Variants in CDH12 observed in about 807,000 individuals in gnomAD.
The protein encoded by CDH12 is cadherin 12.
Under a neutral mutation model 74.1 loss-of-function variants are expected in CDH12, and 41 were observed. The observed-to-expected ratio is 0.55, with a 90% confidence interval of 0.43 to 0.72. The LOEUF is 0.72. Ranked by LOEUF, CDH12 falls within the 30% of genes least tolerant of loss-of-function variation. The pLI, the probability that CDH12 is intolerant of heterozygous loss-of-function variation, is 0.00. For missense variants in CDH12, 945 were observed against 977.2 expected (o/e 0.97, Z 0.44); for synonymous variants, 399 against 355.0 (o/e 1.12, Z -1.39).
chr5:22,027,123 T>A (rs914782121), intron 5 of CDH12, among the ~76,000 whole-genome samples: 5 of 152,158 alleles, frequency 3.3e-5, no homozygotes, highest in African/African-American at 1.2e-4. Flanking sequence ...CATTTTTTGA[T>A]TTGCGTATAT....
intron 1 of CDH12, among the ~76,000 whole-genome samples, chr5:22,544,377 A>G (rs1738227390): frequency 6.6e-6 from 1 of 152,184 alleles, no homozygotes; most frequent in Non-Finnish European, 1.5e-5. Context: ...GTTAGCAATT[A>G]GTTTATGGTT....
chr5:21,827,558 G>A lies in CDH12; in HGVS notation c.815-10426C>T, dbSNP rs77802302. Among the ~76,000 whole-genome samples, 313 of 152,122 alleles carry A rather than the reference G, an allele frequency of 2.1e-3. 14 individuals carry two copies. In the East Asian group the frequency reaches 0.046, roughly 22 times the overall value. On this transcript the variant is annotated intron_variant, in intron 8 of 14. Transcript: ENST00000382254. ...TACAAAGCTCACAACATTAAAGTAC[G>A]AATTATTACGTTTAATACTATAGTT... is the stretch of plus-strand genomic sequence containing the variant.
At chr5:22,101,660 A>G (rs1744146613) in intron 4 of CDH12, among the ~76,000 whole-genome samples, 1 of 152,226 alleles carries the variant, frequency 6.6e-6, no homozygotes, top group East Asian at 1.9e-4. Context: ...GGTCTATGAG[A>G]AAACACATAG....
intron 1 of CDH12, among the ~76,000 whole-genome samples, chr5:22,781,507 C>G (rs754448227): frequency 2.0e-5 from 3 of 152,124 alleles, no homozygotes; most frequent in Non-Finnish European, 2.9e-5. Context: ...CACCACAGGA[C>G]TCTTATTTCT....
intron 1 of CDH12, among the ~76,000 whole-genome samples, chr5:22,601,023 A>G (rs751492592): frequency 1.3e-5 from 2 of 152,116 alleles, no homozygotes; most frequent in African/African-American, 2.4e-5. Flanking sequence ...GCCACTGAAG[A>G]ATTTTTATTG....
At chr5:22,339,900 T>G (rs2150453529) in intron 3 of CDH12, among the ~76,000 whole-genome samples, 1 of 152,312 alleles carries the variant, frequency 6.6e-6, no homozygotes. Flanking sequence ...GTGTTGCATT[T>G]CCTTAAAATT....
At chr5:21,995,513 T>C (rs1245353964) in intron 5 of CDH12, among the ~76,000 whole-genome samples, 1 of 151,940 alleles carries the variant, frequency 6.6e-6, no homozygotes. Context: ...ATCCTAAGCA[T>C]TTTTTAAAAC....
intron 6 of CDH12, among the ~76,000 whole-genome samples, chr5:21,873,160 T>C (rs749803724): frequency 6.6e-6 from 1 of 152,078 alleles, no homozygotes. Flanking sequence ...CCTCCAAAAA[T>C]TAGTCCCACC....
At chr5:21,762,852 C>T (rs1215507178) in intron 12 of CDH12, among the ~76,000 whole-genome samples, 1 of 148,088 alleles carries the variant, frequency 6.8e-6, no homozygotes, top group East Asian at 2.0e-4. Flanking sequence ...TATCCTTAAC[C>T]ACCTAAAAGC....
chr5:22,451,684 A>G (rs909453107), intron 2 of CDH12, among the ~76,000 whole-genome samples: 4 of 152,018 alleles, frequency 2.6e-5, no homozygotes, highest in Admixed American at 2.0e-4. Flanking sequence ...CAACATTTCC[A>G]TTCAACATTG....
At chr5:22,548,869 C>G (rs747577180) in intron 1 of CDH12, among the ~76,000 whole-genome samples, 17 of 152,110 alleles carry the variant, frequency 1.1e-4, no homozygotes, top group Non-Finnish European at 2.1e-4. Flanking sequence ...TCCTCTCCCC[C>G]TTTCTCATAG....
At chr5:21,966,581 G>T (rs1236936618) in intron 6 of CDH12, among the ~76,000 whole-genome samples, 1 of 152,048 alleles carries the variant, frequency 6.6e-6, no homozygotes, top group Non-Finnish European at 1.5e-5. Context: ...TGTCACGTAG[G>T]TATTGATGAA....
rs114815098 is a variant in CDH12, at chr5:22,060,255, G to A, written c.231+18191C>T. Among the ~76,000 whole-genome samples the A allele has an allele frequency of 3.8e-3, 581 of 151,890 alleles. 2 individuals carry two copies. The highest frequency in any genetic ancestry group is 0.013 in the African/African-American group (536 of 41,380). ...ATACCACATGTTCTCACTCATAAGT[G>A]GGAGATTAACAATAAGAACACATGG... On this transcript the variant is annotated intron_variant, in intron 5 of 14. Transcript: ENST00000382254.
chr5:22,558,008 T>C (rs1580763319), intron 1 of CDH12, among the ~76,000 whole-genome samples: 2 of 152,218 alleles, frequency 1.3e-5, no homozygotes, highest in African/African-American at 2.4e-5. Context: ...ATTGCTTAAG[T>C]AAAATTACAA....
chr5:22,055,462 T>C (rs1460474546), intron 5 of CDH12, among the ~76,000 whole-genome samples: 1 of 152,174 alleles, frequency 6.6e-6, no homozygotes, highest in Non-Finnish European at 1.5e-5. Flanking sequence ...TTTACTTTTG[T>C]CCTAAAAGTC....
At chr5:21,802,593 C>CTTTCT (rs1554032189) in intron 9 of CDH12, among the ~76,000 whole-genome samples, 173 bp from the exon 10 acceptor site, 66 of 120,206 alleles carry the variant, frequency 5.5e-4, no homozygotes, top group African/African-American at 1.9e-3. Context: ...ATTTTTTTTT[C>CTTTCT]TTTTTTTTTT....
intron 4 of CDH12, among the ~76,000 whole-genome samples, chr5:22,137,410 C>A (rs1440032031): frequency 6.6e-6 from 1 of 152,002 alleles, no homozygotes; most frequent in Non-Finnish European, 1.5e-5. Flanking sequence ...CTCTCTCCCT[C>A]TCTCTGGATG....
At chr5:22,732,027 A>G (rs1245628841) in intron 1 of CDH12, among the ~76,000 whole-genome samples, 1 of 151,856 alleles carries the variant, frequency 6.6e-6, no homozygotes, top group Non-Finnish European at 1.5e-5. Context: ...CAAACTTCGT[A>G]TGCTGAAGTC....
At chr5:22,085,284 A>T (rs1742992036) in intron 4 of CDH12, among the ~76,000 whole-genome samples, 1 of 152,020 alleles carries the variant, frequency 6.6e-6, no homozygotes, top group Admixed American at 6.6e-5. Context: ...AAGATATACA[A>T]AGGCTGTGGT....
Sources: allele counts gnomAD v4.1 joint callset (sites outside exome capture counted in the v4.1 genomes callset), GRCh38; gene constraint gnomAD v4.1.1; transcripts MANE v1.5; gene names NCBI Gene and HGNC (gene_info 2026-07-23, HGNC 2026-07-21).